Variants in TMPRSS11F observed in about 807,000 individuals in gnomAD.
TMPRSS11F encodes transmembrane protease serine 11F.
In TMPRSS11F, 47 loss-of-function variants were observed where a neutral mutation model predicts 60.2. That is an observed-to-expected ratio of 0.78 (90% CI 0.62 to 1.00). TMPRSS11F has a LOEUF of 1.00. Among genes scored for constraint, TMPRSS11F ranks in the 50% least tolerant of loss-of-function variants. The pLI is 0.00. For missense variants in TMPRSS11F, 519 were observed against 522.9 expected (o/e 0.99, Z 0.07); for synonymous variants, 166 against 167.3 (o/e 0.99, Z 0.06).
At chr4:68,129,278 A>G (rs1724773111) in intron 1 of TMPRSS11F, among the ~76,000 whole-genome samples, 1 of 152,114 alleles carries the variant, frequency 6.6e-6, no homozygotes, top group Non-Finnish European at 1.5e-5. Flanking sequence ...AGATTTTGTT[A>G]ATTTGATAAT....
At chr4:68,063,538 T>G (rs6811029) in intron 8 of TMPRSS11F, among the ~76,000 whole-genome samples, 151,858 of 152,114 alleles carry the variant, frequency 1, 75,802 homozygotes, top group Middle Eastern at 1. Context: ...CACCATGCCC[T>G]GTTAATTTTT....
chr4:68,081,977 A>G, intron 3 of TMPRSS11F, among the ~76,000 whole-genome samples: 1 of 152,218 alleles, frequency 6.6e-6, no homozygotes, highest in East Asian at 1.9e-4. Flanking sequence ...ACGGCTGCCC[A>G]GATACAGCCA....
intron 8 of TMPRSS11F, among the ~76,000 whole-genome samples, chr4:68,061,549 G>A (rs1723174780): frequency 6.6e-6 from 1 of 152,142 alleles, no homozygotes; most frequent in South Asian, 2.1e-4. Context: ...TTCTTATTTT[G>A]GATGCTACCT....
intron 5 of TMPRSS11F, among the ~76,000 whole-genome samples, chr4:68,070,406 C>T (rs1723432259): frequency 6.6e-6 from 1 of 152,190 alleles, no homozygotes; most frequent in South Asian, 2.1e-4. Flanking sequence ...AGGCATATTC[C>T]TAATGGCCAG....
chr4:68,128,156 C>T (rs1405387905), intron 1 of TMPRSS11F, among the ~76,000 whole-genome samples: 1 of 152,074 alleles, frequency 6.6e-6, no homozygotes, highest in Non-Finnish European at 1.5e-5. Flanking sequence ...GAGACTAGAT[C>T]CCTTGGGCAA....
At chr4:68,100,678 A>G (rs1467749036) in intron 1 of TMPRSS11F, among the ~76,000 whole-genome samples, 1 of 152,140 alleles carries the variant, frequency 6.6e-6, no homozygotes, top group Non-Finnish European at 1.5e-5. Flanking sequence ...ATAAAGAGCA[A>G]TTTGCTGTCC....
chr4:68,086,960 C>A (rs184197333), intron 3 of TMPRSS11F, among the ~76,000 whole-genome samples: 1 of 152,022 alleles, frequency 6.6e-6, no homozygotes, highest in Admixed American at 6.6e-5. Context: ...AAAATGGGTA[C>A]CAATCCTACT....
At chr4:68,109,089 G>A (rs1436563041) in intron 1 of TMPRSS11F, among the ~76,000 whole-genome samples, 1 of 152,064 alleles carries the variant, frequency 6.6e-6, no homozygotes, top group Non-Finnish European at 1.5e-5. Flanking sequence ...CATTCCCAAA[G>A]TTTGCATCTC....
chr4:68,069,975 T>C lies in TMPRSS11F; in HGVS notation c.547A>G (p.Asn183Asp), dbSNP rs1723418120. Residue 183 changes from asparagine (N) to aspartate (D), a missense_variant, in exon 6 of 10, where the codon AAC becomes GAC. Asn to Asp is a conservative substitution (Grantham distance 23). Coordinates refer to ENST00000356291, the MANE Select transcript of TMPRSS11F (RefSeq NM_207407.2). ...TGTGGGTTTTGGAACTTACGACTGTTGAGAAGATTCCTCATCTTTTTGCTG... is the reference window on the plus strand; with the variant it reads ...TGTGGGTTTTGGAACTTACGACTGTCGAGAAGATTCCTCATCTTTTTGCTG... ...IDSKKMRNLL[N>D]SRCGIRMTSS... is the part of the protein sequence containing the mutation. The C allele has an allele frequency of 1.2e-6, 2 of 1,605,040 alleles. No homozygotes were observed. The highest frequency in any genetic ancestry group is 2.3e-5 in the East Asian group (1 of 44,332).
intron 3 of TMPRSS11F, among the ~76,000 whole-genome samples, chr4:68,075,456 C>T (rs903602531): frequency 2.6e-5 from 4 of 152,112 alleles, no homozygotes; most frequent in African/African-American, 9.7e-5. Context: ...TCATTGGCCC[C>T]TACTTTGCCC....
chr4:68,123,315 C>T (rs1488359838), intron 1 of TMPRSS11F, among the ~76,000 whole-genome samples: 1 of 152,024 alleles, frequency 6.6e-6, no homozygotes, highest in Non-Finnish European at 1.5e-5. Flanking sequence ...GAATTAGTTG[C>T]CCAAAAAGAA....
chr4:68,117,252 G>A (rs1724542816), intron 1 of TMPRSS11F, among the ~76,000 whole-genome samples: 2 of 151,934 alleles, frequency 1.3e-5, no homozygotes, highest in African/African-American at 4.8e-5. Context: ...CGGATCACGA[G>A]GTCAGGAGAT....
chr4:68,075,416 C>A (rs1222284651), intron 3 of TMPRSS11F, among the ~76,000 whole-genome samples: 1 of 152,122 alleles, frequency 6.6e-6, no homozygotes, highest in East Asian at 1.9e-4. Flanking sequence ...GCCTCAAGTT[C>A]AATATTTCCT....
intron 3 of TMPRSS11F, among the ~76,000 whole-genome samples, chr4:68,076,762 T>C (rs1444071987): frequency 6.6e-6 from 1 of 152,188 alleles, no homozygotes; most frequent in African/African-American, 2.4e-5. Flanking sequence ...ATCTTCCATT[T>C]TCCTGTGCCT....
At chr4:68,083,165 T>C (rs1323530263) in intron 3 of TMPRSS11F, among the ~76,000 whole-genome samples, 1 of 152,204 alleles carries the variant, frequency 6.6e-6, no homozygotes, top group East Asian at 1.9e-4. Flanking sequence ...CCTTCAGATA[T>C]ACCCCACAAC....
chr4:68,105,707 T>C (rs1309755273), intron 1 of TMPRSS11F, among the ~76,000 whole-genome samples: 3 of 152,214 alleles, frequency 2.0e-5, no homozygotes, highest in Non-Finnish European at 4.4e-5. Context: ...TTCTGTATTT[T>C]CTCCAGAGTA....
At chr4:68,057,838 A>C (rs1723078783) in intron 9 of TMPRSS11F, among the ~76,000 whole-genome samples, 1 of 152,238 alleles carries the variant, frequency 6.6e-6, no homozygotes, top group South Asian at 2.1e-4. Context: ...CAATGTGTGA[A>C]GAGATAAAGA....
intron 4 of TMPRSS11F, among the ~76,000 whole-genome samples, chr4:68,073,678 G>GA (rs1560397301): frequency 6.6e-6 from 1 of 152,092 alleles, no homozygotes; most frequent in East Asian, 1.9e-4. Flanking sequence ...GAGACGGGGG[G>GA]AAGAGGGAAT....
At position 68,071,430 on chromosome 4, in the gene TMPRSS11F, C is replaced by CT. The variant is rs542839592; in HGVS notation, c.514+892dup. On this transcript the variant is annotated intron_variant, in intron 5 of 9. Transcript: ENST00000356291. ...TCCAAAATACAAGCCCCTCTCCCAT[C>CT]TTTTTTTGTATTAAATTAGAAGTAA... 4.2e-3 allele frequency among the ~76,000 whole-genome samples: 638 copies of CT among 152,228 alleles called. 4 individuals carry two copies. The highest frequency in any genetic ancestry group is 0.015 in the African/African-American group (606 of 41,552).
Sources: gnomAD v4.1 joint callset for allele counts (sites outside exome capture counted in the v4.1 genomes callset) on GRCh38, gnomAD v4.1.1 for gene constraint, MANE v1.5 for transcripts, NCBI Gene and HGNC (gene_info 2026-07-23, HGNC 2026-07-21) for gene names.